The following FGF14 variants were observed in gnomAD, a reference collection of about 807,000 sequenced individuals.
The protein encoded by FGF14 is fibroblast growth factor 14, also known as fibroblast growth factor homologous factor 4.
In FGF14, 5 loss-of-function variants were observed where a neutral mutation model predicts 25.5. The ratio of observed to expected loss-of-function variants is 0.20; its 90% CI spans 0.10 to 0.41. The LOEUF is 0.41. Among genes scored for constraint, FGF14 ranks in the 10% least tolerant of loss-of-function variants. FGF14 has a pLI of 1.00. For synonymous variants in FGF14, 138 were observed against 118.3 expected, an observed-to-expected ratio of 1.17 and a Z score of -1.08; for missense variants, 222 against 320.1, an observed-to-expected ratio of 0.69 and a Z score of 2.34.
At chr13:101,730,671 G>C (rs553698574) in intron 3 of FGF14, among the ~76,000 whole-genome samples, 2 of 152,262 alleles carry the variant, frequency 1.3e-5, no homozygotes, top group South Asian at 4.1e-4. Flanking sequence ...TGTCCAATAG[G>C]TAGAACTACT....
At chr13:101,910,311 T>C (rs924213520) in intron 1 of FGF14, among the ~76,000 whole-genome samples, 7 of 152,172 alleles carry the variant, frequency 4.6e-5, no homozygotes, top group African/African-American at 1.7e-4. Context: ...ATTATAGCCA[T>C]TGCTATGCGT....
chr13:102,394,202 T>G (rs1566984664), intron 1 of FGF14, among the ~76,000 whole-genome samples: 1 of 152,160 alleles, frequency 6.6e-6, no homozygotes, highest in African/African-American at 2.4e-5. Flanking sequence ...CCAGCTCCCT[T>G]CCCTTTCCTT....
At chr13:102,183,555 C>T (rs543474378) in intron 1 of FGF14, among the ~76,000 whole-genome samples, 5 of 152,266 alleles carry the variant, frequency 3.3e-5, no homozygotes, top group African/African-American at 9.6e-5. Flanking sequence ...GTCTACCATA[C>T]GCTGGGAATA....
chr13:102,016,518 G>A (rs2040354850), intron 1 of FGF14, among the ~76,000 whole-genome samples: 1 of 152,108 alleles, frequency 6.6e-6, no homozygotes, highest in Non-Finnish European at 1.5e-5. Flanking sequence ...AATGTGAGCT[G>A]TATTGTACAG....
At chr13:101,763,594 C>T (rs141103922) in intron 3 of FGF14, among the ~76,000 whole-genome samples, 3,459 of 151,954 alleles carry the variant, frequency 0.023, 87 homozygotes, top group East Asian at 0.06. Context: ...CATGGTGACT[C>T]ATGCCTGTAA....
At chr13:102,128,159 T>C (rs2046027900) in intron 1 of FGF14, among the ~76,000 whole-genome samples, 1 of 152,206 alleles carries the variant, frequency 6.6e-6, no homozygotes, top group South Asian at 2.1e-4. Context: ...GCTTAACTTC[T>C]CTGTGCCTCG....
intron 1 of FGF14, among the ~76,000 whole-genome samples, chr13:102,212,168 G>A (rs2050189358): frequency 6.6e-6 from 1 of 152,096 alleles, no homozygotes; most frequent in South Asian, 2.1e-4. Context: ...TTCCATACTA[G>A]TTCCCACTGA....
intron 1 of FGF14, among the ~76,000 whole-genome samples, chr13:101,877,927 G>A (rs1350219388): frequency 2.6e-5 from 4 of 151,972 alleles, no homozygotes; most frequent in African/African-American, 7.3e-5. Context: ...CGCATCTCTC[G>A]CTCTTTTTCT....
chr13:101,959,008 C>A (rs996863871), intron 1 of FGF14, among the ~76,000 whole-genome samples: 1 of 152,192 alleles, frequency 6.6e-6, no homozygotes, highest in Non-Finnish European at 1.5e-5. Flanking sequence ...CACCTCCCCA[C>A]CCCTTAGACC....
intron 1 of FGF14, among the ~76,000 whole-genome samples, chr13:102,255,448 G>C: frequency 6.6e-6 from 1 of 152,172 alleles, no homozygotes; most frequent in East Asian, 1.9e-4. Flanking sequence ...AAATAAAGCA[G>C]ATGAGAGGGG....
intron 3 of FGF14, chr13:101,801,736 A>G (rs1033820804): frequency 6.4e-6 from 1 of 156,696 alleles, no homozygotes; most frequent in Non-Finnish European, 1.4e-5. Flanking sequence ...TGAAATGGAA[A>G]TGGAGAATAT....
At chr13:101,997,244 ATC>A (rs2039234237) in intron 1 of FGF14, among the ~76,000 whole-genome samples, 1 of 151,078 alleles carries the variant, frequency 6.6e-6, no homozygotes, top group Non-Finnish European at 1.5e-5. Context: ...ATGCTACACC[ATC>A]TGCTTCTAGA....
chr13:101,874,493 A>T (rs2045285721), intron 2 of FGF14, among the ~76,000 whole-genome samples: 1 of 152,304 alleles, frequency 6.6e-6, no homozygotes, highest in South Asian at 2.1e-4. Flanking sequence ...CAATATAAAC[A>T]GAAAATGGGA....
chr13:102,010,301 G>A (rs1461711919), intron 1 of FGF14, among the ~76,000 whole-genome samples: 1 of 152,110 alleles, frequency 6.6e-6, no homozygotes, highest in African/African-American at 2.4e-5. Flanking sequence ...GGCAGCATAT[G>A]TCACCAGTGC....
At chr13:101,873,029 GA>G (rs200608971) in intron 2 of FGF14, among the ~76,000 whole-genome samples, 12,062 of 141,420 alleles carry the variant, frequency 0.085, 1,210 homozygotes, top group African/African-American at 0.25. Context: ...AGATACAGAA[GA>G]AAAAAAAAAA....
chr13:101,832,771 G>A (rs1452057045), intron 3 of FGF14, among the ~76,000 whole-genome samples: 1 of 152,050 alleles, frequency 6.6e-6, no homozygotes, highest in African/African-American at 2.4e-5. Context: ...GAAGAGTAAT[G>A]AGATAGAAAG....
intron 1 of FGF14, among the ~76,000 whole-genome samples, chr13:102,375,330 G>T (rs1160991317): frequency 6.6e-6 from 1 of 152,154 alleles, no homozygotes. Flanking sequence ...CCTGTATCCT[G>T]ATTTCTAGCA....
chr13:101,835,836 T>C (rs1271203614), intron 3 of FGF14, among the ~76,000 whole-genome samples: 1 of 151,890 alleles, frequency 6.6e-6, no homozygotes, highest in African/African-American at 2.4e-5. Context: ...TCAAGAAAAC[T>C]TGAGAAAGCT....
intron 1 of FGF14, among the ~76,000 whole-genome samples, chr13:102,274,492 T>G (rs2053410206): frequency 6.6e-6 from 1 of 152,204 alleles, no homozygotes; most frequent in Admixed American, 6.5e-5. Context: ...GCAAGGATGC[T>G]GTCTCTTTGG....
Sources: gnomAD v4.1 joint callset for allele counts (sites outside exome capture counted in the v4.1 genomes callset) on GRCh38, gnomAD v4.1.1 for gene constraint, MANE v1.5 for transcripts, NCBI Gene and HGNC (gene_info 2026-07-23, HGNC 2026-07-21) for gene names.